The following PTPRT variants were observed in gnomAD, a reference collection of about 807,000 sequenced individuals.
PTPRT encodes the protein receptor-type tyrosine-protein phosphatase T.
In PTPRT, 56 loss-of-function variants were observed where a neutral mutation model predicts 176.8. That is an observed-to-expected ratio of 0.32 (90% CI 0.26 to 0.40). PTPRT has a LOEUF of 0.40. Ranked by LOEUF, PTPRT falls within the 10% of genes least tolerant of loss-of-function variation. The pLI is 1.00. For synonymous variants in PTPRT, 783 were observed against 739.0 expected, an observed-to-expected ratio of 1.06 and a Z score of -0.96; for missense variants, 1,540 against 1,908.2, an observed-to-expected ratio of 0.81 and a Z score of 3.60.
Position 42,231,914 on chromosome 20 carries a change from G to A in PTPRT, c.2342+4315C>T, listed in dbSNP as rs186756856. Among the ~76,000 whole-genome samples, 6 of 152,228 alleles carry A rather than the reference G, an allele frequency of 3.9e-5. No homozygotes were observed. The East Asian group carries it at 1.2e-3, about 29-fold the overall frequency. ...TTTCAAAGATGGAGAGCACTTGATGGCCTCTTTATTTTGGGGGAAATATAG... is the reference window on the plus strand; with the variant it reads ...TTTCAAAGATGGAGAGCACTTGATGACCTCTTTATTTTGGGGGAAATATAG... On this transcript the variant is annotated intron_variant, in intron 15 of 30. Coordinates refer to ENST00000373187, the MANE Select transcript of PTPRT (RefSeq NM_007050.6).
chr20:42,826,848 A>T (rs1022446222), intron 2 of PTPRT, among the ~76,000 whole-genome samples: 2 of 152,222 alleles, frequency 1.3e-5, no homozygotes, highest in Admixed American at 6.5e-5. Context: ...AAAGCTCAAA[A>T]TAAAGGGATG....
intron 2 of PTPRT, among the ~76,000 whole-genome samples, chr20:42,876,105 G>A (rs1437596161): frequency 6.6e-6 from 1 of 152,152 alleles, no homozygotes; most frequent in Non-Finnish European, 1.5e-5. Context: ...TGTTAATGGT[G>A]ATATTTAGGC....
At position 42,242,156 on chromosome 20, in the gene PTPRT, C is replaced by T. The variant is rs548996481; in HGVS notation, c.2313-5898G>A. ...TTTGTGGCAATGTGCTCTCTGAAGGCTCAGACCATGGCATGTCTTCCACAT... is the reference window on the plus strand; with the variant it reads ...TTTGTGGCAATGTGCTCTCTGAAGGTTCAGACCATGGCATGTCTTCCACAT... On this transcript the variant is annotated intron_variant, in intron 14 of 30. Transcript: ENST00000373187. Among the ~76,000 whole-genome samples the T allele has an allele frequency of 1.4e-4, 22 of 152,320 alleles. No individual in the cohort carries two copies. The South Asian group carries it at 1.9e-3, about 13-fold the overall frequency.
intron 7 of PTPRT, among the ~76,000 whole-genome samples, chr20:42,629,244 T>C (rs2074358073): frequency 6.6e-6 from 1 of 152,156 alleles, no homozygotes; most frequent in East Asian, 1.9e-4. Context: ...ATGCATGTTT[T>C]GACTTTGCTG....
rs149535194 is a variant in PTPRT at position 42,961,414 on chromosome 20, G to T, written c.89-75482C>A. Among the ~76,000 whole-genome samples, 122 of 152,290 alleles carry T rather than the reference G, an allele frequency of 8.0e-4. 1 individual carries two copies. The East Asian group carries it at 0.02, about 25-fold the overall frequency. On this transcript the variant is annotated intron_variant, in intron 1 of 30. Coordinates refer to ENST00000373187, the MANE Select transcript of PTPRT (RefSeq NM_007050.6). ...TATTTTAGTTATTATGCACAATTGC[G>T]TGCTGGTTCAATAAGGAAAATAGGA...
chr20:42,053,914 G>A, the PTPRT span, among the ~76,000 whole-genome samples: 816 of 152,312 alleles, frequency 5.4e-3, 3 homozygotes, highest in African/African-American at 0.019. Flanking sequence ...GAGAGGAAGA[G>A]GGGTCTATCT....
chr20:42,307,893 C>T (rs1010362367), intron 12 of PTPRT, among the ~76,000 whole-genome samples: 3 of 152,250 alleles, frequency 2.0e-5, no homozygotes, highest in Non-Finnish European at 4.4e-5. Context: ...AGTAAAGAAG[C>T]CGGCCAAATC....
At chr20:42,116,308 T>C (rs1057042927) in intron 21 of PTPRT, among the ~76,000 whole-genome samples, 25 of 152,142 alleles carry the variant, frequency 1.6e-4, no homozygotes, top group African/African-American at 5.3e-4. Context: ...CCCAAACGTA[T>C]TTAACCGTGG....
At chr20:42,309,985 T>C (rs964695017) in intron 12 of PTPRT, among the ~76,000 whole-genome samples, 1 of 152,148 alleles carries the variant, frequency 6.6e-6, no homozygotes, top group Non-Finnish European at 1.5e-5. Flanking sequence ...GGTAATATGG[T>C]TGGACTCTTC....
At chr20:42,428,657 T>C (rs1299745946) in intron 9 of PTPRT, among the ~76,000 whole-genome samples, 3 of 152,166 alleles carry the variant, frequency 2.0e-5, no homozygotes, top group African/African-American at 7.2e-5. Flanking sequence ...GTCTACTCAG[T>C]TGCAGGAATG....
At chr20:42,142,034 C>G (rs777857592) in intron 17 of PTPRT, 32 bp from the exon 18 acceptor site, 1 of 1,583,928 alleles carries the variant, frequency 6.3e-7, no homozygotes, top group Non-Finnish European at 8.7e-7. Flanking sequence ...GTTAGAGTGG[C>G]CTGAGATAGG....
intron 3 of PTPRT, among the ~76,000 whole-genome samples, chr20:42,785,908 C>A (rs768039457): frequency 6.6e-6 from 1 of 152,146 alleles, no homozygotes; most frequent in Non-Finnish European, 1.5e-5. Flanking sequence ...GCTCTGTGTC[C>A]CCACCCAAAT....
chr20:42,981,315 G>A (rs998383195), intron 1 of PTPRT, among the ~76,000 whole-genome samples: 2 of 152,186 alleles, frequency 1.3e-5, no homozygotes, highest in South Asian at 2.1e-4. Context: ...ATATTTCAGG[G>A]AATAAATCAG....
At chr20:42,856,508 T>G (rs1327571117) in intron 2 of PTPRT, among the ~76,000 whole-genome samples, 1 of 151,928 alleles carries the variant, frequency 6.6e-6, no homozygotes, top group East Asian at 1.9e-4. Flanking sequence ...TAAAGAGAAT[T>G]TAAGCTCTAC....
At chr20:42,998,698 T>C (rs1208390869) in intron 1 of PTPRT, among the ~76,000 whole-genome samples, 1 of 152,216 alleles carries the variant, frequency 6.6e-6, no homozygotes. Context: ...TGCATCAACA[T>C]TTTCTCATTT....
intron 15 of PTPRT, 35 bp from the exon 16 acceptor site, chr20:42,199,423 C>G (rs368999244): frequency 2.1e-4 from 333 of 1,605,098 alleles, no homozygotes; most frequent in Non-Finnish European, 2.7e-4. Context: ...AAACCACAGT[C>G]AGATGGTGCC....
At chr20:42,560,619 C>G (rs917848275) in intron 7 of PTPRT, among the ~76,000 whole-genome samples, 1 of 152,142 alleles carries the variant, frequency 6.6e-6, no homozygotes, top group Non-Finnish European at 1.5e-5. Flanking sequence ...CACTGCTAAC[C>G]CATTCACAAT....
chr20:43,064,267 C>T (rs1987592029), intron 1 of PTPRT, among the ~76,000 whole-genome samples: 3 of 152,152 alleles, frequency 2.0e-5, no homozygotes, highest in African/African-American at 7.2e-5. Context: ...AGTTTCCCAT[C>T]ACCAGTTGAA....
At chr20:42,177,950 C>A (rs940821867) in intron 16 of PTPRT, among the ~76,000 whole-genome samples, 2 of 142,368 alleles carry the variant, frequency 1.4e-5, no homozygotes, top group Non-Finnish European at 3.0e-5. Context: ...CTTTTCTTTT[C>A]TTTCTTTCAT....
Sources: allele counts gnomAD v4.1 joint callset (sites outside exome capture counted in the v4.1 genomes callset), GRCh38; gene constraint gnomAD v4.1.1; transcripts MANE v1.5; gene names NCBI Gene and HGNC (gene_info 2026-07-23, HGNC 2026-07-21).